DGLUCY: variants seen among roughly 807,000 people sequenced by gnomAD.
The protein encoded by DGLUCY is D-glutamate cyclase, also known as D-glutamate cyclase, mitochondrial.
Under a neutral mutation model 58.5 loss-of-function variants are expected in DGLUCY, and 58 were observed. The ratio of observed to expected loss-of-function variants is 0.99; its 90% CI spans 0.80 to 1.23. The LOEUF is 1.23. Ranked by LOEUF, DGLUCY falls within the 50% of genes most tolerant of loss-of-function variation. The pLI is 0.00. For missense variants in DGLUCY, 779 were observed against 784.7 expected (o/e 0.99, Z 0.09); for synonymous variants, 325 against 314.1 (o/e 1.03, Z -0.37).
At chr14:91,123,242 A>G (rs142752356) in intron 1 of DGLUCY, among the ~76,000 whole-genome samples, 1 of 152,338 alleles carries the variant, frequency 6.6e-6, no homozygotes, top group African/African-American at 2.4e-5. Flanking sequence ...TAACGAACAC[A>G]CAACAGAACA....
intron 1 of DGLUCY, among the ~76,000 whole-genome samples, chr14:91,117,646 TACACACACACACACATACACAC>T (rs1314192837): frequency 6.7e-5 from 10 of 149,558 alleles, no homozygotes; most frequent in Admixed American, 2.0e-4. Context: ...TTTGTTCACA[TACACACACACACACATACACAC>T]ACACACACAC....
chr14:91,176,981 T>C (rs1271200402), intron 7 of DGLUCY, among the ~76,000 whole-genome samples: 1 of 150,362 alleles, frequency 6.7e-6, no homozygotes, highest in Non-Finnish European at 1.5e-5. Flanking sequence ...CCTTCCTTCT[T>C]GTCTTGTCTT....
At chr14:91,100,766 TC>T (rs2044471712) in intron 1 of DGLUCY, among the ~76,000 whole-genome samples, 1 of 152,122 alleles carries the variant, frequency 6.6e-6, no homozygotes, top group South Asian at 2.1e-4. Flanking sequence ...TCCAGTGAAT[TC>T]TTTTTTTACA....
upstream of DGLUCY, among the ~76,000 whole-genome samples, chr14:91,113,835 T>C (rs115588077): frequency 5.4e-3 from 819 of 152,352 alleles, 4 homozygotes; most frequent in Middle Eastern, 0.017. Flanking sequence ...ATTTCAAAAA[T>C]CCTTAGTGCC....
intron 12 of DGLUCY, among the ~76,000 whole-genome samples, chr14:91,214,227 G>T (rs1039982598): frequency 1.2e-4 from 19 of 152,080 alleles, no homozygotes; most frequent in Admixed American, 5.2e-4. Context: ...GCCCGTGGCT[G>T]GCCGTGTGCA....
chr14:91,095,753 C>T (rs1044179538), intron 1 of DGLUCY, among the ~76,000 whole-genome samples: 1 of 152,134 alleles, frequency 6.6e-6, no homozygotes, highest in Admixed American at 6.5e-5. Context: ...TTATACACCT[C>T]TTCAGTGGTA....
chr14:91,124,868 G>A (rs1374306081), intron 1 of DGLUCY, among the ~76,000 whole-genome samples: 1 of 152,186 alleles, frequency 6.6e-6, no homozygotes, highest in East Asian at 1.9e-4. Context: ...GTACTTTAAT[G>A]TTCTTAGCTC....
chr14:91,215,616 G>A (rs768813670), intron 13 of DGLUCY, 60 bp downstream of exon 13: 5 of 1,608,702 alleles, frequency 3.1e-6, no homozygotes, highest in South Asian at 1.1e-5. Context: ...TGAGCAGCAG[G>A]CCTGAGGTCC....
chr14:91,165,640 A>G (rs1173341465), intron 3 of DGLUCY, among the ~76,000 whole-genome samples: 1 of 152,256 alleles, frequency 6.6e-6, no homozygotes, highest in Non-Finnish European at 1.5e-5. Context: ...AGTCAGCCAC[A>G]CTAGCAGTCT....
intron 1 of DGLUCY, among the ~76,000 whole-genome samples, chr14:91,122,665 C>T (rs540146009): frequency 8.0e-6 from 1 of 124,354 alleles, no homozygotes; most frequent in African/African-American, 3.2e-5. Flanking sequence ...TGAAGTGGCT[C>T]GATCTCGGCT....
rs1454908252 is a variant in DGLUCY at position 91,173,588 on chromosome 14, T to C, written c.607+149T>C. Reference sequence around the variant, plus strand: ...CTGCCCATGATCCTGACAGCCTCTCTTGGAGTTGGGCCTAAGAAGCAGACA... The same window carrying C: ...CTGCCCATGATCCTGACAGCCTCTCCTGGAGTTGGGCCTAAGAAGCAGACA... On this transcript the variant is annotated intron_variant, in intron 6 of 13. Transcript: ENST00000256324. 4.6e-5 allele frequency: 53 copies of C among 1,162,082 alleles called. 1 individual carries two copies. The East Asian group carries it at 1.4e-3, about 32-fold the overall frequency. 72.0% of individuals were successfully genotyped at this position (1,162,082 alleles called of 1,614,324 possible). A position where few individuals can be genotyped will look rare whatever the true frequency, so the allele number is the denominator to read the frequency against.
At chr14:91,081,616 G>A (rs758008872) in intron 1 of DGLUCY, among the ~76,000 whole-genome samples, 2 of 152,192 alleles carry the variant, frequency 1.3e-5, no homozygotes, top group Non-Finnish European at 2.9e-5. Flanking sequence ...AGCTCTAGGG[G>A]AGACTGCTTC....
chr14:91,181,404 A>G lies in DGLUCY; in HGVS notation c.934+15A>G. ...CATAGACCCAGGTAAGAAACAACAC[A>G]TTTGCTCGGCATAGACCCAGGTAAG... On this transcript the variant is annotated intron_variant, in intron 8 of 13. Coordinates refer to ENST00000256324, the MANE Select transcript of DGLUCY (RefSeq NM_001102368.3). 1 of 1,608,764 alleles carries G rather than the reference A, an allele frequency of 6.2e-7. No homozygotes were observed.
At chr14:91,094,916 A>G (rs1440753672) in intron 1 of DGLUCY, among the ~76,000 whole-genome samples, 1 of 152,096 alleles carries the variant, frequency 6.6e-6, no homozygotes, top group African/African-American at 2.4e-5. Context: ...ATCTATATTA[A>G]GGATATACCA....
chr14:91,098,699 A>C (rs1457108056), intron 1 of DGLUCY, among the ~76,000 whole-genome samples: 1 of 152,106 alleles, frequency 6.6e-6, no homozygotes, highest in Non-Finnish European at 1.5e-5. Flanking sequence ...TCCTCTTGCC[A>C]AAAAGATGTC....
chr14:91,086,013 G>A (rs1054138360), intron 1 of DGLUCY, among the ~76,000 whole-genome samples: 3 of 152,160 alleles, frequency 2.0e-5, no homozygotes, highest in African/African-American at 7.2e-5. Context: ...CCCATCACCT[G>A]AGCTCTGCCT....
At chr14:91,085,221 CAAAA>C (rs745438426) in intron 1 of DGLUCY, among the ~76,000 whole-genome samples, 2 of 89,276 alleles carry the variant, frequency 2.2e-5, no homozygotes, top group Non-Finnish European at 2.4e-5. Context: ...AACCCTGTCT[CAAAA>C]AAAAAAAAAA....
chr14:91,112,403 G>T (rs1276912753), upstream of DGLUCY, among the ~76,000 whole-genome samples: 2 of 152,154 alleles, frequency 1.3e-5, no homozygotes, highest in Non-Finnish European at 2.9e-5. Context: ...AACTTAGACA[G>T]CAGGGCTCTG....
At chr14:91,141,800 C>T (rs1399412501) in intron 1 of DGLUCY, among the ~76,000 whole-genome samples, 1 of 151,870 alleles carries the variant, frequency 6.6e-6, no homozygotes, top group Non-Finnish European at 1.5e-5. Context: ...ATTCGCCCGC[C>T]TCAGCCTCCC....
Sources: allele counts gnomAD v4.1 joint callset (sites outside exome capture counted in the v4.1 genomes callset), GRCh38; gene constraint gnomAD v4.1.1; transcripts MANE v1.5; gene names NCBI Gene and HGNC (gene_info 2026-07-23, HGNC 2026-07-21).